Variants in GALM observed in about 807,000 individuals in gnomAD.
The protein encoded by GALM is aldose 1-epimerase.
GALM carries 43 observed loss-of-function variants against 37.4 expected under a neutral mutation model. The ratio of observed to expected loss-of-function variants is 1.15; its 90% CI spans 0.90 to 1.48. The LOEUF is 1.48. Among genes scored for constraint, GALM ranks in the 40% most tolerant of loss-of-function variants. The probability of loss-of-function intolerance (pLI) is 0.00; values close to 1 mark genes in which losing one functional copy is unlikely to be tolerated. For synonymous variants in GALM, 199 were observed against 170.6 expected, an observed-to-expected ratio of 1.17 and a Z score of -1.30; for missense variants, 456 against 419.1, an observed-to-expected ratio of 1.09 and a Z score of -0.77.
At chr2:38,719,760 A>G (rs1409017949) in intron 4 of GALM, among the ~76,000 whole-genome samples, 1 of 139,970 alleles carries the variant, frequency 7.1e-6, no homozygotes, top group Non-Finnish European at 1.5e-5. Flanking sequence ...GTCGACAAGA[A>G]CGAAATTCTG....
intron 4 of GALM, among the ~76,000 whole-genome samples, chr2:38,714,098 A>G (rs1477422315): frequency 6.6e-6 from 1 of 152,172 alleles, no homozygotes; most frequent in East Asian, 1.9e-4. Context: ...TATTATTAGT[A>G]CCATCATCAT....
At chr2:38,673,170 A>T (rs961117460) in intron 1 of GALM, among the ~76,000 whole-genome samples, 2 of 152,130 alleles carry the variant, frequency 1.3e-5, no homozygotes, top group Non-Finnish European at 2.9e-5. Context: ...GAAACCTGTG[A>T]CCTGTAACTG....
chr2:38,666,324 G>A lies in GALM; in HGVS notation c.163G>A (p.Val55Met), dbSNP rs1428886724. Reference sequence around the variant, plus strand: ...AGACAGGCAGGGGAGAGCCTCGGACGTGGTGCTTGGCTTCGCCGAGTTGGA... The same window carrying A: ...AGACAGGCAGGGGAGAGCCTCGGACATGGTGCTTGGCTTCGCCGAGTTGGA... ...VKDRQGRASD[V>M]VLGFAELEGY... Residue 55 changes from valine to methionine, a missense_variant, in exon 1 of 7, where the codon GTG becomes ATG. Physicochemically the swap from Val to Met is conservative, Grantham distance 21. Transcript: ENST00000272252. 1.2e-6 allele frequency: 2 copies of A among 1,613,140 alleles called. No individual in the cohort carries two copies. Among genetic ancestry groups the A allele is most frequent in the South Asian group, 1.1e-5 (1 of 90,962 alleles).
chr2:38,711,162 C>CT (rs35852563), intron 4 of GALM, among the ~76,000 whole-genome samples: 50,881 of 135,534 alleles, frequency 0.38, 10,944 homozygotes, highest in East Asian at 0.56. Flanking sequence ...TACAGATAGC[C>CT]TTTTTTTTTT....
chr2:38,710,913 C>G (rs916748655), intron 4 of GALM, among the ~76,000 whole-genome samples: 16 of 151,382 alleles, frequency 1.1e-4, no homozygotes, highest in African/African-American at 3.9e-4. Flanking sequence ...GCCACCACAC[C>G]CAGCAAATTT....
At chr2:38,720,965 C>G (rs1412003218) in intron 4 of GALM, among the ~76,000 whole-genome samples, 1 of 152,140 alleles carries the variant, frequency 6.6e-6, no homozygotes, top group Non-Finnish European at 1.5e-5. Flanking sequence ...TTAAAAAGGT[C>G]CATCCAAGTT....
At chr2:38,708,688 C>T (rs1416242547) in intron 4 of GALM, among the ~76,000 whole-genome samples, 1 of 146,274 alleles carries the variant, frequency 6.8e-6, no homozygotes, top group Non-Finnish European at 1.5e-5. Flanking sequence ...AAGATCATGC[C>T]ATTGCACTCC....
At chr2:38,687,369 C>T (rs1665562907) in intron 3 of GALM, among the ~76,000 whole-genome samples, 1 of 152,180 alleles carries the variant, frequency 6.6e-6, no homozygotes, top group Admixed American at 6.5e-5. Flanking sequence ...CCCCCACCCA[C>T]TCATACCCCT....
At chr2:38,732,268 G>C (rs1039152653) in intron 6 of GALM, among the ~76,000 whole-genome samples, 1 of 152,106 alleles carries the variant, frequency 6.6e-6, no homozygotes, top group African/African-American at 2.4e-5. Flanking sequence ...TGTTGGCCAG[G>C]CTGGTCTCAA....
At chr2:38,667,766 G>A (rs945353013) in intron 1 of GALM, among the ~76,000 whole-genome samples, 2 of 152,040 alleles carry the variant, frequency 1.3e-5, no homozygotes, top group Non-Finnish European at 2.9e-5. Context: ...GAATCTGGGA[G>A]GCGGAAGTTG....
intron 4 of GALM, among the ~76,000 whole-genome samples, chr2:38,711,360 G>A (rs761183351): frequency 4.0e-5 from 6 of 151,718 alleles, no homozygotes; most frequent in South Asian, 2.1e-4. Flanking sequence ...AGGGTTTCAC[G>A]ACGTTGGTCA....
rs1055803904 is a variant in GALM at position 38,686,249 on chromosome 2, T to C, written c.553-3564T>C. Reference sequence around the variant, plus strand: ...CTTTCTTTCTTTCTTTCTTTCTTTCTTTCTTTCTTTCTTTCTTTCTTTCTT... The same window carrying C: ...CTTTCTTTCTTTCTTTCTTTCTTTCCTTCTTTCTTTCTTTCTTTCTTTCTT... On this transcript the variant is annotated intron_variant, in intron 3 of 6. Coordinates refer to ENST00000272252, the MANE Select transcript of GALM (RefSeq NM_138801.3). 7.1e-3 allele frequency among the ~76,000 whole-genome samples: 848 copies of C among 119,402 alleles called. 3 individuals are homozygous for C. Among genetic ancestry groups the C allele is most frequent in the East Asian group, 0.032 (86 of 2,678 alleles). The allele number at this position is 119,402 out of a possible 152,430, so 78.3% of individuals were successfully genotyped here. A position where few individuals can be genotyped will look rare whatever the true frequency, so the allele number is the denominator to read the frequency against.
intron 1 of GALM, among the ~76,000 whole-genome samples, chr2:38,667,247 G>C (rs1664967185): frequency 6.6e-6 from 1 of 152,136 alleles, no homozygotes; most frequent in South Asian, 2.1e-4. Context: ...TCAGTGGTTG[G>C]GGCGTAGACA....
intron 4 of GALM, among the ~76,000 whole-genome samples, chr2:38,702,411 C>A (rs1317519006): frequency 6.6e-6 from 1 of 152,000 alleles, no homozygotes; most frequent in Non-Finnish European, 1.5e-5. Context: ...AAAATGATCT[C>A]CGAGCATGCC....
chr2:38,684,090 AC>A (rs1665467827), intron 3 of GALM, among the ~76,000 whole-genome samples: 1 of 151,848 alleles, frequency 6.6e-6, no homozygotes, highest in Non-Finnish European at 1.5e-5. Flanking sequence ...TATATCTCAA[AC>A]CCTCCCCAGG....
In GALM at chr2:38,675,993, A is replaced by T. The variant is rs1558577995; in HGVS notation, c.272A>T (p.Asp91Val). 1.9e-6 allele frequency: 3 copies of T among 1,614,046 alleles called. No individual in the cohort carries two copies. Among genetic ancestry groups the T allele is most frequent in the East Asian group, 2.2e-5 (1 of 44,868 alleles). ...NRIAKGTFKV[D>V]GKEYHLAINK... is the part of the protein sequence containing the mutation. ...ATCGCCAAAGGAACCTTCAAGGTGG[A>T]TGGGAAGGAGTATCACCTGGCCATT... The change falls in exon 2 of 7, where the codon GAT (aspartate) becomes GTT (valine). Residue 91 changes from aspartate (D) to valine (V), a missense_variant. Asp to Val is a radical substitution (Grantham distance 152). Coordinates refer to ENST00000272252, the MANE Select transcript of GALM (RefSeq NM_138801.3).
At chr2:38,714,664 A>C (rs1014812582) in intron 4 of GALM, among the ~76,000 whole-genome samples, 6 of 152,250 alleles carry the variant, frequency 3.9e-5, no homozygotes, top group African/African-American at 1.4e-4. Context: ...ACAAACAAAA[A>C]GAAGAAAAAC....
chr2:38,710,236 G>A (rs1301627111), intron 4 of GALM, among the ~76,000 whole-genome samples: 1 of 152,226 alleles, frequency 6.6e-6, no homozygotes, highest in Non-Finnish European at 1.5e-5. Flanking sequence ...CCTGGGTGAT[G>A]CATGTGGTCA....
chr2:38,721,554 C>A (rs1666376154), intron 4 of GALM, among the ~76,000 whole-genome samples: 1 of 152,164 alleles, frequency 6.6e-6, no homozygotes, highest in South Asian at 2.1e-4. Context: ...CACTCTGTCA[C>A]CCAGGCTGGA....
Sources: allele counts gnomAD v4.1 joint callset (sites outside exome capture counted in the v4.1 genomes callset), GRCh38; gene constraint gnomAD v4.1.1; transcripts MANE v1.5; gene names NCBI Gene and HGNC (gene_info 2026-07-23, HGNC 2026-07-21).